The following JAKMIP2 variants were observed in gnomAD, a reference collection of about 807,000 sequenced individuals.
JAKMIP2 encodes janus kinase and microtubule interacting protein 2.
Under a neutral mutation model 115.0 loss-of-function variants are expected in JAKMIP2, and 25 were observed. The observed-to-expected ratio is 0.22, with a 90% confidence interval of 0.16 to 0.30. The LOEUF (loss-of-function observed/expected upper bound fraction) is 0.30, where lower values mean the gene tolerates loss of function less well. JAKMIP2 is among the 10% of genes least tolerant of loss of function. The pLI is 1.00. For missense variants in JAKMIP2, 642 were observed against 957.6 expected (o/e 0.67, Z 4.35); for synonymous variants, 334 against 343.6 (o/e 0.97, Z 0.31).
chr5:147,782,231 G>A (rs1178503699), intron 1 of JAKMIP2, among the ~76,000 whole-genome samples: 1 of 152,032 alleles, frequency 6.6e-6, no homozygotes, highest in Admixed American at 6.6e-5. Context: ...GCCAGTTAGA[G>A]ATAAAATCAG....
chr5:147,618,030 GT>G lies in JAKMIP2; in HGVS notation c.2226del (p.Lys742AsnfsTer6), dbSNP rs1756669353. The G allele has an allele frequency of 6.2e-7, 1 of 1,613,946 alleles. No individual in the cohort carries two copies. The highest frequency in any genetic ancestry group is 1.3e-5 in the African/African-American group (1 of 74,914). On this transcript the variant is annotated frameshift_variant, in exon 19 of 22. Coordinates refer to ENST00000616793, the MANE Select transcript of JAKMIP2 (RefSeq NM_001270941.2). LOFTEE classifies it high-confidence loss of function. ...VIKFGELLSEKQQEELRTAVE... is the reference protein window; with the variant it reads ...VIKFGELLSEXQQEELRTAVE... ...ACTGCCGTCCTCAGCTCCTCTTGCTGTTTTTCACTTAATAATTCACCAAACT... is the reference window on the plus strand; with the variant it reads ...ACTGCCGTCCTCAGCTCCTCTTGCTGTTTTCACTTAATAATTCACCAAACT...
At chr5:147,599,564 A>T (rs1043483823) in intron 21 of JAKMIP2, among the ~76,000 whole-genome samples, 3 of 152,230 alleles carry the variant, frequency 2.0e-5, no homozygotes, top group Admixed American at 6.5e-5. Context: ...GAGGAAAAAC[A>T]TCAAATCTTG....
intron 21 of JAKMIP2, among the ~76,000 whole-genome samples, chr5:147,600,504 G>T (rs10053816): frequency 2.0e-5 from 3 of 152,194 alleles, no homozygotes; most frequent in South Asian, 2.1e-4. Context: ...AATCACCTGA[G>T]GTCCAGGAAA....
intron 20 of JAKMIP2, among the ~76,000 whole-genome samples, chr5:147,609,323 T>C (rs1044540373): frequency 3.3e-5 from 5 of 152,196 alleles, no homozygotes; most frequent in Admixed American, 3.3e-4. Flanking sequence ...CCAGATTTCC[T>C]TTCCATATTT....
chr5:147,762,113 G>A (rs1180644871), intron 1 of JAKMIP2, among the ~76,000 whole-genome samples: 1 of 152,048 alleles, frequency 6.6e-6, no homozygotes, highest in African/African-American at 2.4e-5. Flanking sequence ...GGAAGGATTT[G>A]AGGGTTTGTT....
chr5:147,669,560 A>G (rs918468707), intron 2 of JAKMIP2, among the ~76,000 whole-genome samples: 26 of 152,176 alleles, frequency 1.7e-4, no homozygotes, highest in African/African-American at 5.8e-4. Context: ...GAATCTCATC[A>G]GTTTGTTCTC....
At chr5:147,713,396 G>C (rs2126917570) in intron 1 of JAKMIP2, among the ~76,000 whole-genome samples, 1 of 152,086 alleles carries the variant, frequency 6.6e-6, no homozygotes, top group South Asian at 2.1e-4. Flanking sequence ...TATATACCAG[G>C]TACTATACTT....
At chr5:147,772,235 T>C (rs1377560638) in intron 1 of JAKMIP2, among the ~76,000 whole-genome samples, 2 of 152,142 alleles carry the variant, frequency 1.3e-5, no homozygotes, top group Admixed American at 1.3e-4. Flanking sequence ...AGGGAAACAT[T>C]TGAAGCTGCA....
intron 21 of JAKMIP2, among the ~76,000 whole-genome samples, chr5:147,593,431 G>C (rs1449936640): frequency 6.6e-6 from 1 of 152,206 alleles, no homozygotes; most frequent in African/African-American, 2.4e-5. Flanking sequence ...TGTCAAAGGA[G>C]CTGAGAGGGA....
intron 1 of JAKMIP2, among the ~76,000 whole-genome samples, chr5:147,742,264 C>T (rs1302530003): frequency 6.6e-6 from 1 of 151,052 alleles, no homozygotes; most frequent in Non-Finnish European, 1.5e-5. Flanking sequence ...GTCACAAAAT[C>T]CCTGATGCTT....
chr5:147,641,863 T>C, intron 7 of JAKMIP2, 99 bp from the exon 8 acceptor site: 2 of 971,386 alleles, frequency 2.1e-6, no homozygotes, highest in Non-Finnish European at 1.6e-6. Context: ...GGCATTATAT[T>C]TGGAATAGAA....
At chr5:147,776,586 G>A (rs534865188) in intron 1 of JAKMIP2, among the ~76,000 whole-genome samples, 13 of 152,242 alleles carry the variant, frequency 8.5e-5, no homozygotes, top group South Asian at 2.1e-4. Context: ...CTGAGAAGTC[G>A]TTTAAATATC....
chr5:147,760,768 G>A (rs577270955), intron 1 of JAKMIP2, among the ~76,000 whole-genome samples: 1 of 152,188 alleles, frequency 6.6e-6, no homozygotes, highest in South Asian at 2.1e-4. Context: ...TAAGATGTGA[G>A]GTATGACAGC....
chr5:147,741,313 AAAG>A (rs1389682372), intron 1 of JAKMIP2, among the ~76,000 whole-genome samples: 1 of 152,216 alleles, frequency 6.6e-6, no homozygotes, highest in East Asian at 1.9e-4. Context: ...CTTTTCAAAA[AAAG>A]AAATTTTCCA....
In JAKMIP2 at chr5:147,590,530, G is replaced by C. The variant is rs1407304289; in HGVS notation, c.*1177C>G. ...GAAAAAATGTTATCACTCTAAACAA[G>C]AAGAGGTCAGAATGCTCTAGGCATG... On this transcript the variant is annotated 3_prime_UTR_variant, in exon 22 of 22. Coordinates refer to ENST00000616793, the MANE Select transcript of JAKMIP2 (RefSeq NM_001270941.2). 6.6e-6 allele frequency: 1 copy of C among 152,148 alleles called. No homozygotes were observed. The highest frequency in any genetic ancestry group is 2.4e-5 in the African/African-American group (1 of 41,440). 9.4% of individuals were successfully genotyped at this position (152,148 alleles called of 1,614,324 possible).
chr5:147,723,788 C>G (rs1753410572), intron 1 of JAKMIP2, among the ~76,000 whole-genome samples: 1 of 152,164 alleles, frequency 6.6e-6, no homozygotes. Context: ...TCTTATCCAC[C>G]AGCCATGGCT....
chr5:147,612,251 A>T (rs1756365922), intron 20 of JAKMIP2, 55 bp downstream of exon 20: 1 of 1,168,884 alleles, frequency 8.6e-7, no homozygotes, highest in Admixed American at 1.7e-5. Context: ...GAGCAAAATC[A>T]ATATTGCTTT....
intron 1 of JAKMIP2, among the ~76,000 whole-genome samples, chr5:147,692,415 T>C (rs1299298308): frequency 1.3e-5 from 2 of 152,170 alleles, no homozygotes; most frequent in African/African-American, 4.8e-5. Context: ...TTGTGGTAAT[T>C]TGTTACAGCA....
At chr5:147,749,372 T>C (rs1435555115) in intron 1 of JAKMIP2, among the ~76,000 whole-genome samples, 2 of 152,216 alleles carry the variant, frequency 1.3e-5, no homozygotes, top group Non-Finnish European at 2.9e-5. Flanking sequence ...CCTTATTTTA[T>C]AGAGGAAGAA....
Sources: gnomAD v4.1 joint callset for allele counts (sites outside exome capture counted in the v4.1 genomes callset) on GRCh38, gnomAD v4.1.1 for gene constraint, MANE v1.5 for transcripts, NCBI Gene and HGNC (gene_info 2026-07-23, HGNC 2026-07-21) for gene names.